Variants in TRIO observed in about 807,000 individuals in gnomAD.
TRIO encodes the protein trio Rho guanine nucleotide exchange factor, also known as triple functional domain protein.
TRIO carries 58 observed loss-of-function variants against 351.9 expected under a neutral mutation model. The observed-to-expected ratio is 0.16, with a 90% confidence interval of 0.13 to 0.21. The LOEUF (loss-of-function observed/expected upper bound fraction) is 0.21, where lower values mean the gene tolerates loss of function less well. Among genes scored for constraint, TRIO ranks in the 10% least tolerant of loss-of-function variants. The pLI, the probability that TRIO is intolerant of heterozygous loss-of-function variation, is 1.00. For missense variants in TRIO, 3,201 were observed against 4,027.8 expected (o/e 0.79, Z 5.56); for synonymous variants, 1,758 against 1,595.7 (o/e 1.10, Z -2.42).
chr5:14,320,237 T>G (rs1276868074), intron 9 of TRIO, among the ~76,000 whole-genome samples: 1 of 152,252 alleles, frequency 6.6e-6, no homozygotes, highest in Non-Finnish European at 1.5e-5. Flanking sequence ...TTTTCTAGTT[T>G]AGAGTATGCT....
chr5:14,264,789 G>A (rs1429776979), intron 1 of TRIO, among the ~76,000 whole-genome samples: 1 of 152,206 alleles, frequency 6.6e-6, no homozygotes, highest in Non-Finnish European at 1.5e-5. Flanking sequence ...AGAAGTGGCC[G>A]GCCCGGAGAG....
chr5:14,372,218 G>A (rs1229528532), intron 18 of TRIO, among the ~76,000 whole-genome samples: 1 of 136,820 alleles, frequency 7.3e-6, no homozygotes, highest in East Asian at 2.5e-4. Flanking sequence ...GGCGGAGGGG[G>A]GGCGATGGTG....
chr5:14,159,396 G>A (rs1788296105), intron 1 of TRIO, among the ~76,000 whole-genome samples: 1 of 151,586 alleles, frequency 6.6e-6, no homozygotes, highest in African/African-American at 2.4e-5. Flanking sequence ...TTTTGAGATA[G>A]TGAAGAGCAT....
At chr5:14,327,531 G>A (rs1740495525) in intron 9 of TRIO, among the ~76,000 whole-genome samples, 1 of 152,112 alleles carries the variant, frequency 6.6e-6, no homozygotes, top group Non-Finnish European at 1.5e-5. Flanking sequence ...ACCAAATAAT[G>A]TTTATCTTTT....
intron 36 of TRIO, among the ~76,000 whole-genome samples, chr5:14,465,035 A>AC (rs988190231): frequency 1.3e-5 from 2 of 152,024 alleles, no homozygotes; most frequent in Non-Finnish European, 2.9e-5. Context: ...CTGTCTGGTC[A>AC]CCGCACCCCG....
intron 19 of TRIO, among the ~76,000 whole-genome samples, chr5:14,377,669 A>AT (rs1157092447): frequency 4.8e-4 from 73 of 151,954 alleles, no homozygotes; most frequent in East Asian, 7.7e-4. Context: ...AAAAATGCTG[A>AT]TTTTTTTTCA....
intron 1 of TRIO, among the ~76,000 whole-genome samples, chr5:14,165,752 T>C (rs1401662447): frequency 1.3e-5 from 2 of 152,158 alleles, no homozygotes; most frequent in Non-Finnish European, 2.9e-5. Context: ...GTAAGCATTT[T>C]CACAAAGGCC....
intron 20 of TRIO, among the ~76,000 whole-genome samples, chr5:14,378,874 AT>A (rs1451162686): frequency 2.0e-5 from 3 of 152,210 alleles, no homozygotes; most frequent in African/African-American, 7.2e-5. Flanking sequence ...ATTTCTAATA[AT>A]TTAGTATAGT....
chr5:14,444,973 T>C (rs1404242497), intron 34 of TRIO, among the ~76,000 whole-genome samples: 4 of 152,208 alleles, frequency 2.6e-5, no homozygotes, highest in African/African-American at 9.7e-5. Context: ...TTTTCTTATT[T>C]CTAGACAAGG....
intron 34 of TRIO, among the ~76,000 whole-genome samples, chr5:14,436,304 A>T (rs753026390): frequency 6.6e-6 from 1 of 152,176 alleles, no homozygotes; most frequent in African/African-American, 2.4e-5. Context: ...GTCAGGTCTT[A>T]TGAGACTTAT....
chr5:14,330,721 A>G, intron 9 of TRIO, 57 bp from the exon 10 acceptor site: 1 of 1,589,552 alleles, frequency 6.3e-7, no homozygotes. Flanking sequence ...ATAACCTTAA[A>G]CATTGAACAT....
chr5:14,354,300 G>C (rs1015907191), intron 11 of TRIO, among the ~76,000 whole-genome samples: 25 of 152,180 alleles, frequency 1.6e-4, no homozygotes, highest in African/African-American at 5.8e-4. Context: ...TTTCTAGTAG[G>C]CTTTTTTTAA....
In TRIO at chr5:14,304,527, G is replaced by A; in HGVS notation, c.1435G>A (p.Asp479Asn). 6.2e-7 allele frequency: 1 copy of A among 1,614,100 alleles called. No individual in the cohort carries two copies. Among genetic ancestry groups the A allele is most frequent in the Non-Finnish European group, 8.5e-7 (1 of 1,180,004 alleles). ...GGTAGACCTTCCCTCAGAGCTGCAG[G>A]ACCTAGAAGATGCCATTCATCACCA... ...GEVDLPSELQDLEDAIHHHQG... is the reference protein window; with the variant it reads ...GEVDLPSELQNLEDAIHHHQG... The change falls in exon 8 of 57, where the codon GAC (aspartate) becomes AAC (asparagine). Residue 479 changes from aspartate (D) to asparagine (N), a missense_variant. Physicochemically the swap from Asp to Asn is conservative, Grantham distance 23. Transcript: ENST00000344204.
intron 27 of TRIO, among the ~76,000 whole-genome samples, chr5:14,392,433 T>C (rs998496102): frequency 2.6e-5 from 4 of 152,184 alleles, no homozygotes; most frequent in Admixed American, 6.5e-5. Flanking sequence ...AAACAACAGA[T>C]GGTGGTGAGG....
Position 14,206,695 on chromosome 5 carries a change from A to T in TRIO, c.157+62813A>T, listed in dbSNP as rs190437286. Among the ~76,000 whole-genome samples, 8 of 152,304 alleles carry T rather than the reference A, an allele frequency of 5.3e-5. No homozygotes were observed. The East Asian group carries it at 9.7e-4, about 18-fold the overall frequency. ...TGTATGACTGAAGTACATATTCGTT[A>T]TCTGCGTGAGACAGTACAGATTGGT... On this transcript the variant is annotated intron_variant, in intron 1 of 56. Coordinates refer to ENST00000344204, the MANE Select transcript of TRIO (RefSeq NM_007118.4).
intron 39 of TRIO, among the ~76,000 whole-genome samples, chr5:14,473,100 G>A (rs1482164106): frequency 6.6e-6 from 1 of 152,142 alleles, no homozygotes; most frequent in African/African-American, 2.4e-5. Context: ...TACTGTGGCT[G>A]CACCAGGTCA....
intron 34 of TRIO, among the ~76,000 whole-genome samples, chr5:14,425,880 A>G (rs917284351): frequency 2.6e-5 from 4 of 152,230 alleles, no homozygotes; most frequent in African/African-American, 7.2e-5. Flanking sequence ...ACTGTCAGCA[A>G]TAAATTTCTG....
chr5:14,268,434 C>T (rs1198567191), intron 1 of TRIO, among the ~76,000 whole-genome samples: 1 of 152,210 alleles, frequency 6.6e-6, no homozygotes, highest in African/African-American at 2.4e-5. Flanking sequence ...GGACATTCTT[C>T]TTGGTGATGG....
intron 9 of TRIO, among the ~76,000 whole-genome samples, chr5:14,328,319 C>T (rs1290362100): frequency 6.6e-6 from 1 of 152,246 alleles, no homozygotes; most frequent in African/African-American, 2.4e-5. Flanking sequence ...GTGCTCAATA[C>T]ACTAGTTAAA....
Sources: allele counts gnomAD v4.1 joint callset (sites outside exome capture counted in the v4.1 genomes callset), GRCh38; gene constraint gnomAD v4.1.1; transcripts MANE v1.5; gene names NCBI Gene and HGNC (gene_info 2026-07-23, HGNC 2026-07-21).